NBAS: variants seen among roughly 807,000 people sequenced by gnomAD.
The protein encoded by NBAS is NBAS subunit of NRZ tethering complex, also known as NAG/BC035112 fusion.
A neutral mutation model predicts 302.5 loss-of-function variants in NBAS; 219 were observed. The observed-to-expected ratio is 0.72, with a 90% CI of 0.65 to 0.81. NBAS has a LOEUF of 0.81. Among genes scored for constraint, NBAS ranks in the 30% least tolerant of loss-of-function variants. The pLI, the probability that NBAS is intolerant of heterozygous loss-of-function variation, is 0.00. For synonymous variants in NBAS, 1,118 were observed against 1,021.6 expected, an observed-to-expected ratio of 1.09 and a Z score of -1.80; for missense variants, 2,932 against 2,841.6, an observed-to-expected ratio of 1.03 and a Z score of -0.72.
chr2:14,887,904 T>C, the NBAS span, among the ~76,000 whole-genome samples: 1 of 152,202 alleles, frequency 6.6e-6, no homozygotes, highest in African/African-American at 2.4e-5. Context: ...CATTTCTATC[T>C]CAGAACACTC....
intron 21 of NBAS, among the ~76,000 whole-genome samples, chr2:15,430,975 AT>A (rs1198773951): frequency 2.8e-3 from 401 of 143,958 alleles, no homozygotes; most frequent in Admixed American, 3.4e-3. Context: ...GGCCCGGCTA[AT>A]TTTTTTTTTT....
chr2:15,516,436 T>C (rs2241238), intron 9 of NBAS, among the ~76,000 whole-genome samples: 96,912 of 151,954 alleles, frequency 0.64, 31,622 homozygotes, highest in Non-Finnish European at 0.68. Context: ...AAATTTAAAA[T>C]TTCCATCCAT....
chr2:15,501,920 G>A (rs566950466), intron 11 of NBAS, among the ~76,000 whole-genome samples: 12 of 152,130 alleles, frequency 7.9e-5, no homozygotes, highest in African/African-American at 2.2e-4. Context: ...AAGCCACCAC[G>A]CCAGGCTAAG....
chr2:15,417,115 C>A (rs1225138891), intron 24 of NBAS, among the ~76,000 whole-genome samples: 1 of 152,174 alleles, frequency 6.6e-6, no homozygotes, highest in Non-Finnish European at 1.5e-5. Flanking sequence ...CTTAAACATA[C>A]TAACCCTGAA....
At chr2:14,901,124 G>T in the NBAS span, among the ~76,000 whole-genome samples, 1 of 152,174 alleles carries the variant, frequency 6.6e-6, no homozygotes, top group South Asian at 2.1e-4. Flanking sequence ...TAACCCTAGG[G>T]TCAACAGCAT....
chr2:15,400,837 A>T (rs1206186338), intron 26 of NBAS, among the ~76,000 whole-genome samples: 1 of 152,222 alleles, frequency 6.6e-6, no homozygotes, highest in Non-Finnish European at 1.5e-5. Flanking sequence ...TAAAGTAAAA[A>T]GACCAGTTAA....
intron 12 of NBAS, among the ~76,000 whole-genome samples, chr2:15,484,381 G>A (rs1459956886): frequency 6.6e-6 from 1 of 152,090 alleles, no homozygotes; most frequent in Non-Finnish European, 1.5e-5. Context: ...ATGGAATCTT[G>A]ACTCTAACAT....
chr2:14,897,823 G>A, the NBAS span, among the ~76,000 whole-genome samples: 7 of 152,094 alleles, frequency 4.6e-5, no homozygotes, highest in Non-Finnish European at 7.4e-5. Context: ...CAATGAGACT[G>A]TGGTCTTTGG....
intron 29 of NBAS, among the ~76,000 whole-genome samples, chr2:15,382,051 T>A (rs1675060469): frequency 6.6e-6 from 1 of 152,204 alleles, no homozygotes. Context: ...AAACTTGTTT[T>A]AGACTGCATG....
intron 47 of NBAS, among the ~76,000 whole-genome samples, chr2:15,232,007 C>G (rs1263639535): frequency 6.6e-6 from 1 of 152,150 alleles, no homozygotes; most frequent in African/African-American, 2.4e-5. Flanking sequence ...AGTCCTAAAA[C>G]AAAGCTGACT....
the NBAS span, among the ~76,000 whole-genome samples, chr2:15,116,238 A>C: frequency 1.3e-5 from 2 of 152,204 alleles, no homozygotes; most frequent in South Asian, 2.1e-4. Flanking sequence ...TTTTATCTTG[A>C]AAAGGTATCT....
At chr2:15,438,866 C>G (rs138741299) in intron 21 of NBAS, among the ~76,000 whole-genome samples, 1,938 of 152,256 alleles carry the variant, frequency 0.013, 31 homozygotes, top group East Asian at 0.059. Context: ...ATGGGGAAAC[C>G]AACCAAAGGA....
At chr2:15,558,677 T>C (rs1313651097) in intron 1 of NBAS, 43 bp from the exon 2 acceptor site, 1 of 1,422,936 alleles carries the variant, frequency 7.0e-7, no homozygotes. Flanking sequence ...AATCTTCTAG[T>C]AGTATTAGAC....
Position 15,538,396 on chromosome 2 carries a change from A to G in NBAS, c.513+827T>C, listed in dbSNP as rs146301440. ...ATTTCTGAAAAAAAAATCATTATCTATATCATTGGTTTTCAACCCTAGCTT... is the reference window on the plus strand; with the variant it reads ...ATTTCTGAAAAAAAAATCATTATCTGTATCATTGGTTTTCAACCCTAGCTT... On this transcript the variant is annotated intron_variant, in intron 7 of 51. Coordinates refer to ENST00000281513, the MANE Select transcript of NBAS (RefSeq NM_015909.4). The G allele has an allele frequency of 3.5e-3, 1,496 of 432,452 alleles. 30 individuals are homozygous for G. The highest frequency in any genetic ancestry group is 0.027 in the African/African-American group (1,367 of 49,840). The allele number at this position is 432,452 out of a possible 1,614,324, so 26.8% of individuals were successfully genotyped here.
chr2:14,895,739 C>CAAAAAAAAAAAAAAAAAAAAAAAAAAAA, the NBAS span, among the ~76,000 whole-genome samples: 6 of 95,490 alleles, frequency 6.3e-5, no homozygotes, highest in African/African-American at 7.7e-5. Flanking sequence ...GACTCCGTCT[C>CAAAAAAAAAAAAAAAAAAAAAAAAAAAA]AAAAAAAAAA....
the NBAS span, among the ~76,000 whole-genome samples, chr2:14,784,300 G>A: frequency 6.6e-6 from 1 of 152,138 alleles, no homozygotes; most frequent in African/African-American, 2.4e-5. Context: ...TTCTTTTGCT[G>A]TGCAGAAGCT....
chr2:14,912,604 T>G, the NBAS span, among the ~76,000 whole-genome samples: 1 of 151,704 alleles, frequency 6.6e-6, no homozygotes, highest in Non-Finnish European at 1.5e-5. Flanking sequence ...TTTAGATATC[T>G]TCTCCTGTGC....
chr2:15,503,658 TC>T (rs1317314559), intron 11 of NBAS, among the ~76,000 whole-genome samples: 2 of 152,164 alleles, frequency 1.3e-5, no homozygotes, highest in Admixed American at 1.3e-4. Flanking sequence ...TCCATACTCT[TC>T]CTGCTAAGTA....
chr2:15,128,743 T>C, the NBAS span, among the ~76,000 whole-genome samples: 2 of 152,030 alleles, frequency 1.3e-5, no homozygotes, highest in African/African-American at 4.8e-5. Context: ...TGGGGACACA[T>C]TGGAGAGGAC....
Sources: gnomAD v4.1 joint callset for allele counts (sites outside exome capture counted in the v4.1 genomes callset) on GRCh38, gnomAD v4.1.1 for gene constraint, MANE v1.5 for transcripts, NCBI Gene and HGNC (gene_info 2026-07-23, HGNC 2026-07-21) for gene names.